The following MPPED2 variants were observed in gnomAD, a reference collection of about 807,000 sequenced individuals.
MPPED2 encodes metallophosphoesterase MPPED2.
Under a neutral mutation model 33.0 loss-of-function variants are expected in MPPED2, and 5 were observed. The ratio of observed to expected loss-of-function variants is 0.15; its 90% CI spans 0.08 to 0.32. The LOEUF (loss-of-function observed/expected upper bound fraction) is 0.32. Among genes scored for constraint, MPPED2 ranks in the 10% least tolerant of loss-of-function variants. The pLI is 1.00. For missense variants in MPPED2, 275 were observed against 372.1 expected (o/e 0.74, Z 2.15); for synonymous variants, 136 against 141.9 (o/e 0.96, Z 0.29).
At chr11:30,492,883 C>A (rs1018885385) in intron 4 of MPPED2, among the ~76,000 whole-genome samples, 1 of 152,112 alleles carries the variant, frequency 6.6e-6, no homozygotes, top group Non-Finnish European at 1.5e-5. Context: ...AACTTTTCTG[C>A]ACCTGGATTT....
At chr11:30,527,494 G>A (rs1291702211) in intron 3 of MPPED2, among the ~76,000 whole-genome samples, 1 of 151,904 alleles carries the variant, frequency 6.6e-6, no homozygotes, top group East Asian at 1.9e-4. Flanking sequence ...ACGCTGGAGG[G>A]GAGAGAGAGT....
chr11:30,543,686 T>C (rs1955253792), intron 2 of MPPED2, among the ~76,000 whole-genome samples: 2 of 151,976 alleles, frequency 1.3e-5, no homozygotes, highest in Admixed American at 6.6e-5. Flanking sequence ...CTTCTAGATA[T>C]ATCTATTCCA....
At chr11:30,508,196 C>T (rs970593326) in intron 3 of MPPED2, among the ~76,000 whole-genome samples, 1 of 152,274 alleles carries the variant, frequency 6.6e-6, no homozygotes, top group Middle Eastern at 3.4e-3. Context: ...ACTCTGTCTG[C>T]TGAACGTTGT....
downstream of MPPED2, among the ~76,000 whole-genome samples, chr11:30,405,706 C>T (rs189010948): frequency 1.1e-3 from 162 of 152,292 alleles, no homozygotes; most frequent in Non-Finnish European, 1.6e-3. Flanking sequence ...TCTCTCGTGA[C>T]GGGCTGTGGC....
At chr11:30,466,383 C>T (rs750551477) in intron 4 of MPPED2, among the ~76,000 whole-genome samples, 2 of 152,152 alleles carry the variant, frequency 1.3e-5, no homozygotes, top group East Asian at 1.9e-4. Flanking sequence ...ATTTAGCAAC[C>T]GAAAGATGCT....
intron 3 of MPPED2, among the ~76,000 whole-genome samples, chr11:30,502,814 A>G (rs1371735488): frequency 3.3e-5 from 5 of 152,136 alleles, no homozygotes; most frequent in Admixed American, 3.3e-4. Flanking sequence ...CTCTGGCCAA[A>G]CGTGATCTCC....
chr11:30,451,383 A>T (rs1950057456), intron 4 of MPPED2, among the ~76,000 whole-genome samples: 1 of 152,216 alleles, frequency 6.6e-6, no homozygotes, highest in Non-Finnish European at 1.5e-5. Context: ...CCCACTGCTA[A>T]CCTGGCCCCC....
chr11:30,418,538 C>A (rs1006349995), intron 4 of MPPED2, among the ~76,000 whole-genome samples: 1 of 152,174 alleles, frequency 6.6e-6, no homozygotes. Flanking sequence ...CAGTGTTATC[C>A]TATTCCCAAA....
At chr11:30,543,324 G>A (rs1405308305) in intron 2 of MPPED2, among the ~76,000 whole-genome samples, 1 of 152,162 alleles carries the variant, frequency 6.6e-6, no homozygotes, top group African/African-American at 2.4e-5. Context: ...GTGGAATCCA[G>A]TGGCTTTTGT....
intron 6 of MPPED2, among the ~76,000 whole-genome samples, chr11:30,404,814 A>C (rs1284855865): frequency 6.6e-6 from 1 of 152,234 alleles, no homozygotes; most frequent in Non-Finnish European, 1.5e-5. Context: ...TATGGTGTTC[A>C]GTAAATATTT....
chr11:30,475,634 T>A (rs754850157), intron 4 of MPPED2, among the ~76,000 whole-genome samples: 5 of 152,204 alleles, frequency 3.3e-5, no homozygotes, highest in African/African-American at 4.8e-5. Context: ...GTATAGTTCA[T>A]TCCTTTTATT....
At chr11:30,577,612 T>C (rs60363092) in intron 2 of MPPED2, among the ~76,000 whole-genome samples, 6,918 of 152,290 alleles carry the variant, frequency 0.045, 542 homozygotes, top group African/African-American at 0.16. Flanking sequence ...GGCCAATTTT[T>C]GTTTCTTAAC....
At chr11:30,583,440 A>G (rs536938684) in intron 1 of MPPED2, among the ~76,000 whole-genome samples, 4 of 152,216 alleles carry the variant, frequency 2.6e-5, no homozygotes, top group African/African-American at 9.6e-5. Context: ...AAACAAAGGA[A>G]CCCAGGACGA....
intron 4 of MPPED2, among the ~76,000 whole-genome samples, chr11:30,461,258 T>A (rs562884061): frequency 6.6e-6 from 1 of 152,208 alleles, no homozygotes; most frequent in Admixed American, 6.5e-5. Context: ...GAGTTTCAGT[T>A]TGAAATAACG....
intron 4 of MPPED2, among the ~76,000 whole-genome samples, chr11:30,450,370 A>G (rs1172390287): frequency 6.6e-6 from 1 of 152,270 alleles, no homozygotes; most frequent in Non-Finnish European, 1.5e-5. Context: ...GACATTGTGT[A>G]TAAGTTATTC....
chr11:30,576,464 T>G (rs2134872630), intron 2 of MPPED2, among the ~76,000 whole-genome samples: 1 of 152,226 alleles, frequency 6.6e-6, no homozygotes, highest in Non-Finnish European at 1.5e-5. Context: ...CATGAAGAAT[T>G]AACCTGAGTA....
At chr11:30,566,506 G>A (rs1956448092) in intron 2 of MPPED2, among the ~76,000 whole-genome samples, 1 of 152,090 alleles carries the variant, frequency 6.6e-6, no homozygotes, top group African/African-American at 2.4e-5. Flanking sequence ...AAACACGGGA[G>A]ACTTACATAA....
At chr11:30,482,342 A>G (rs193226515) in intron 4 of MPPED2, among the ~76,000 whole-genome samples, 1 of 152,334 alleles carries the variant, frequency 6.6e-6, no homozygotes, top group African/African-American at 2.4e-5. Context: ...GAAGAAAAAC[A>G]TACTATTGCT....
At chr11:30,452,259 C>T (rs1255896481) in intron 4 of MPPED2, among the ~76,000 whole-genome samples, 1 of 152,186 alleles carries the variant, frequency 6.6e-6, no homozygotes, top group Non-Finnish European at 1.5e-5. Context: ...ACCTCAGTCA[C>T]CTTGATCTTG....
Sources: gnomAD v4.1 joint callset for allele counts (sites outside exome capture counted in the v4.1 genomes callset) on GRCh38, gnomAD v4.1.1 for gene constraint, MANE v1.5 for transcripts, NCBI Gene and HGNC (gene_info 2026-07-23, HGNC 2026-07-21) for gene names.